The following PTPA variants were observed in gnomAD, a reference collection of about 807,000 sequenced individuals.
PTPA encodes the protein protein phosphatase 2 phosphatase activator.
In PTPA, 13 loss-of-function variants were observed where a neutral mutation model predicts 43.6. The observed-to-expected ratio is 0.30, with a 90% CI of 0.19 to 0.47. The LOEUF is 0.47. PTPA is among the 20% of genes least tolerant of loss of function. The pLI is 0.99. For synonymous variants in PTPA, 172 were observed against 158.2 expected, an observed-to-expected ratio of 1.09 and a Z score of -0.66; for missense variants, 329 against 411.9, an observed-to-expected ratio of 0.80 and a Z score of 1.74.
intron 5 of PTPA, among the ~76,000 whole-genome samples, chr9:129,134,256 G>A (rs1193896096): frequency 6.8e-6 from 1 of 146,680 alleles, no homozygotes; most frequent in Non-Finnish European, 1.5e-5. Context: ...TAAATGTCCA[G>A]CCCGGGTCTT....
chr9:129,137,452 A>G, intron 7 of PTPA, 140 bp from the exon 8 acceptor site: 1 of 637,948 alleles, frequency 1.6e-6, no homozygotes, highest in Non-Finnish European at 2.8e-6. Context: ...ACCCAGAGTT[A>G]CTTATTGCTC....
At chr9:129,127,826 G>A (rs1331199331) in intron 3 of PTPA, 1 of 470,518 alleles carries the variant, frequency 2.1e-6, no homozygotes, top group Non-Finnish European at 3.8e-6. Flanking sequence ...CCATAGCATT[G>A]TGTATGAAAT....
Position 129,143,445 on chromosome 9 carries a change from C to T in PTPA, c.894+893C>T, listed in dbSNP as rs1182859185. On this transcript the variant is annotated intron_variant, in intron 9 of 9. Coordinates refer to ENST00000393370, the MANE Select transcript of PTPA (RefSeq NM_178000.3). ...GCACCATCTCTTGACTCCTGGCCGG[C>T]CTTCTCTTCTGGGAAGGGGCTGCTC... 14 of 702,810 alleles carry T rather than the reference C, an allele frequency of 2.0e-5. No individual in the cohort carries two copies. In the East Asian group the frequency reaches 2.4e-4, roughly 12 times the overall value. The allele number at this position is 702,810 out of a possible 1,614,324, so 43.5% of individuals were successfully genotyped here. A position where few individuals can be genotyped will look rare whatever the true frequency, so the allele number is the denominator to read the frequency against.
At chr9:129,124,701 A>AT (rs1849466905) in intron 3 of PTPA, among the ~76,000 whole-genome samples, 1 of 152,158 alleles carries the variant, frequency 6.6e-6, no homozygotes, top group African/African-American at 2.4e-5. Context: ...TCTTGGGTTC[A>AT]TGTCCCACCT....
chr9:129,142,414 GTCT>G, intron 8 of PTPA, 28 bp from the exon 9 acceptor site: 1 of 1,542,978 alleles, frequency 6.5e-7, no homozygotes. Flanking sequence ...GCCAGAACCT[GTCT>G]CTTCAGCTTG....
At chr9:129,142,895 G>T (rs1391898383) in intron 9 of PTPA, 36 of 1,495,336 alleles carry the variant, frequency 2.4e-5, no homozygotes, top group Non-Finnish European at 2.7e-6. Context: ...AGCTCGGGCA[G>T]TCTGAGTCTG....
intron 8 of PTPA, chr9:129,138,075 A>G: frequency 3.4e-6 from 1 of 293,582 alleles, no homozygotes; most frequent in Non-Finnish European, 6.7e-6. Flanking sequence ...TGTGCTGTGG[A>G]TGTGTAAAAT....
intron 9 of PTPA, among the ~76,000 whole-genome samples, chr9:129,146,491 T>C (rs1851311588): frequency 6.6e-6 from 1 of 152,230 alleles, no homozygotes; most frequent in Admixed American, 6.5e-5. Flanking sequence ...TTACTCTCTC[T>C]GAGGCCATAA....
At chr9:129,129,298 C>T (rs10429598) in intron 4 of PTPA, among the ~76,000 whole-genome samples, 188 bp downstream of exon 4, 5,739 of 152,240 alleles carry the variant, frequency 0.038, 356 homozygotes, top group African/African-American at 0.13. Flanking sequence ...CTGGGAAACA[C>T]GACTGTGCAC....
chr9:129,134,924 G>T, intron 6 of PTPA, 30 bp downstream of exon 6: 1 of 1,569,856 alleles, frequency 6.4e-7, no homozygotes, highest in East Asian at 2.2e-5. Flanking sequence ...GGTTGGAGGA[G>T]GGGGCGTGAG....
chr9:129,128,921 C>T, intron 3 of PTPA, 64 bp from the exon 4 acceptor site: 1 of 1,596,914 alleles, frequency 6.3e-7, no homozygotes, highest in Non-Finnish European at 8.6e-7. Flanking sequence ...CAGTGGACTT[C>T]CCTCTGTGGC....
intron 6 of PTPA, among the ~76,000 whole-genome samples, chr9:129,135,646 C>T (rs980563954): frequency 2.6e-5 from 4 of 152,260 alleles, no homozygotes; most frequent in African/African-American, 9.6e-5. Context: ...AAGCCAGTCG[C>T]TGGGCAGCAC....
chr9:129,138,552 G>A (rs1024159106), intron 8 of PTPA, among the ~76,000 whole-genome samples: 3 of 152,084 alleles, frequency 2.0e-5, no homozygotes, highest in African/African-American at 7.2e-5. Flanking sequence ...GGGCGCCCTC[G>A]CTCAGCTATC....
intron 9 of PTPA, among the ~76,000 whole-genome samples, chr9:129,144,197 G>C (rs1233084334): frequency 6.6e-6 from 1 of 151,654 alleles, no homozygotes; most frequent in Non-Finnish European, 1.5e-5. Context: ...GAGCATATTC[G>C]GATTGAAAAT....
At chr9:129,118,527 C>T (rs1223977804) in intron 1 of PTPA, among the ~76,000 whole-genome samples, 1 of 152,088 alleles carries the variant, frequency 6.6e-6, no homozygotes, top group Non-Finnish European at 1.5e-5. Context: ...GCATGCGCCA[C>T]CACACCTGAA....
intron 1 of PTPA, among the ~76,000 whole-genome samples, chr9:129,118,665 G>A (rs570407710): frequency 2.0e-5 from 3 of 151,796 alleles, no homozygotes; most frequent in South Asian, 2.1e-4. Context: ...ATGAGCCACC[G>A]CGCCCCGCCT....
At chr9:129,128,484 C>T (rs1849727287) in intron 3 of PTPA, among the ~76,000 whole-genome samples, 4 of 148,572 alleles carry the variant, frequency 2.7e-5, no homozygotes, top group Admixed American at 1.4e-4. Flanking sequence ...TGCAGTGAGC[C>T]GAGATTGCAC....
chr9:129,142,623 G>A, intron 9 of PTPA, 71 bp downstream of exon 9: 1 of 1,593,436 alleles, frequency 6.3e-7, no homozygotes, highest in East Asian at 2.3e-5. Context: ...CAAAGCAAAA[G>A]ATGTGGAACC....
In PTPA at chr9:129,143,647, C is replaced by G. The variant is rs955888690; in HGVS notation, c.894+1095C>G. 9 of 531,592 alleles carry G rather than the reference C, an allele frequency of 1.7e-5. No individual in the cohort carries two copies. In the African/African-American group the frequency reaches 1.7e-4, roughly 10 times the overall value. The allele number at this position is 531,592 out of a possible 1,614,324, so 32.9% of individuals were successfully genotyped here. ...GAACTGAACAGACCGGGCCCTCACT[C>G]CCTTCCGCCCCCTCCCCCTTTGGTC... is the stretch of plus-strand genomic sequence containing the variant. On this transcript the variant is annotated intron_variant, in intron 9 of 9. Coordinates refer to ENST00000393370, the MANE Select transcript of PTPA (RefSeq NM_178000.3).
Sources: allele counts gnomAD v4.1 joint callset (sites outside exome capture counted in the v4.1 genomes callset), GRCh38; gene constraint gnomAD v4.1.1; transcripts MANE v1.5; gene names NCBI Gene and HGNC (gene_info 2026-07-23, HGNC 2026-07-21).